Variants in WWOX observed in about 807,000 individuals in gnomAD.
The protein encoded by WWOX is WW domain-containing oxidoreductase.
Under a neutral mutation model 46.2 loss-of-function variants are expected in WWOX, and 69 were observed. The ratio of observed to expected loss-of-function variants is 1.49; its 90% CI spans 1.23 to 1.82. The LOEUF (loss-of-function observed/expected upper bound fraction) is 1.82. Among genes scored for constraint, WWOX ranks in the 40% most tolerant of loss-of-function variants. The probability of loss-of-function intolerance (pLI) is 0.00; values close to 1 mark genes in which losing one functional copy is unlikely to be tolerated. For synonymous variants in WWOX, 359 were observed against 202.6 expected (o/e 1.77, Z -6.56); for missense variants, 919 against 542.6 (o/e 1.69, Z -6.89).
chr16:78,812,752 C>A (rs906216392), intron 8 of WWOX, among the ~76,000 whole-genome samples: 2 of 151,940 alleles, frequency 1.3e-5, no homozygotes, highest in African/African-American at 4.8e-5. Context: ...AAAATCTATC[C>A]AAAGGCCTTG....
At chr16:78,477,459 C>A (rs1009054211) in intron 8 of WWOX, among the ~76,000 whole-genome samples, 3 of 151,940 alleles carry the variant, frequency 2.0e-5, no homozygotes, top group African/African-American at 7.3e-5. Context: ...GATAAAGTGC[C>A]ATTGATCCTT....
intron 8 of WWOX, among the ~76,000 whole-genome samples, chr16:78,542,772 A>C (rs932915010): frequency 6.6e-6 from 1 of 152,222 alleles, no homozygotes; most frequent in Non-Finnish European, 1.5e-5. Context: ...GTGAGAAGTG[A>C]AGGTAATAAG....
At chr16:78,300,368 G>A (rs752676966) in intron 5 of WWOX, among the ~76,000 whole-genome samples, 6 of 152,128 alleles carry the variant, frequency 3.9e-5, no homozygotes, top group African/African-American at 1.2e-4. Context: ...AGAGGATTCC[G>A]AAAGCTAGCG....
At chr16:78,531,399 G>A (rs1445590889) in intron 8 of WWOX, among the ~76,000 whole-genome samples, 26 of 152,188 alleles carry the variant, frequency 1.7e-4, no homozygotes, top group Non-Finnish European at 2.9e-5. Context: ...TGTGCACCCT[G>A]TTTGGTTGAA....
At chr16:79,012,582 A>C (rs758922331) in intron 8 of WWOX, among the ~76,000 whole-genome samples, 1 of 152,202 alleles carries the variant, frequency 6.6e-6, no homozygotes, top group Non-Finnish European at 1.5e-5. Flanking sequence ...TTGAAGATCC[A>C]CATATGGCTG....
intron 8 of WWOX, among the ~76,000 whole-genome samples, chr16:78,749,565 G>T (rs993960322): frequency 6.6e-6 from 1 of 152,140 alleles, no homozygotes; most frequent in Non-Finnish European, 1.5e-5. Context: ...GTTTAAGGAT[G>T]TATTTATTTC....
chr16:78,509,178 C>G (rs1199726688), intron 8 of WWOX, among the ~76,000 whole-genome samples: 3 of 152,198 alleles, frequency 2.0e-5, no homozygotes, highest in Non-Finnish European at 4.4e-5. Flanking sequence ...GTGGTTCACG[C>G]CTGTAATCCC....
chr16:78,744,422 C>CTTTTTTTTTTTTTT (rs976073233), intron 8 of WWOX, among the ~76,000 whole-genome samples: 2 of 82,240 alleles, frequency 2.4e-5, no homozygotes, highest in Admixed American at 1.3e-4. Context: ...GTCCACACTG[C>CTTTTTTTTTTTTTT]TTTTTTTTTT....
At chr16:79,147,465 G>T (rs527937498) in intron 8 of WWOX, among the ~76,000 whole-genome samples, 5 of 152,264 alleles carry the variant, frequency 3.3e-5, no homozygotes, top group African/African-American at 1.2e-4. Context: ...GTATTCCATG[G>T]TATTGTACAT....
chr16:78,625,360 C>G (rs978639475), intron 8 of WWOX, among the ~76,000 whole-genome samples: 1 of 152,192 alleles, frequency 6.6e-6, no homozygotes, highest in African/African-American at 2.4e-5. Flanking sequence ...TTGAGGGTAA[C>G]TGGATCCCTG....
At chr16:79,029,752 G>A (rs1157844665) in intron 8 of WWOX, among the ~76,000 whole-genome samples, 1 of 152,114 alleles carries the variant, frequency 6.6e-6, no homozygotes, top group African/African-American at 2.4e-5. Context: ...AGAGCTTCCA[G>A]GAATCTCAAT....
rs114491215 is a variant in WWOX at position 78,108,381 on chromosome 16, T to A, written c.108-42T>A. 1.6e-3 allele frequency: 2,615 copies of A among 1,593,170 alleles called. 40 individuals are homozygous for A. In the African/African-American group the frequency reaches 0.029, roughly 18 times the overall value. On this transcript the variant is annotated intron_variant, in intron 1 of 8. Coordinates refer to ENST00000566780, the MANE Select transcript of WWOX (RefSeq NM_016373.4). Reference sequence around the variant, plus strand: ...TACAATTGATTACTTTTTAGAAGAGTTAATTTTTACTTATTACTGTGGATT... The same window carrying A: ...TACAATTGATTACTTTTTAGAAGAGATAATTTTTACTTATTACTGTGGATT...
At chr16:78,957,791 C>T (rs575367179) in intron 8 of WWOX, among the ~76,000 whole-genome samples, 91 of 152,314 alleles carry the variant, frequency 6.0e-4, no homozygotes, top group African/African-American at 1.9e-3. Flanking sequence ...ACTCTCTTGT[C>T]CTGTTTTAAT....
intron 5 of WWOX, among the ~76,000 whole-genome samples, chr16:78,346,618 A>AT (rs1441055970): frequency 8.4e-6 from 1 of 119,584 alleles, no homozygotes; most frequent in African/African-American, 2.8e-5. Flanking sequence ...TTTGTTGTAT[A>AT]TTTTTTTTTA....
intron 5 of WWOX, among the ~76,000 whole-genome samples, chr16:78,187,338 C>T (rs1026312977): frequency 3.3e-5 from 5 of 152,154 alleles, no homozygotes; most frequent in South Asian, 2.1e-4. Context: ...AGGCCAAGCA[C>T]GGTGGCTCAT....
intron 8 of WWOX, among the ~76,000 whole-genome samples, chr16:78,546,376 G>C (rs1054606737): frequency 1.3e-5 from 2 of 152,220 alleles, no homozygotes; most frequent in Non-Finnish European, 1.5e-5. Flanking sequence ...GTATACAACA[G>C]GTTTCGGGAC....
chr16:78,371,379 A>C (rs554933149), intron 5 of WWOX, among the ~76,000 whole-genome samples: 2 of 152,348 alleles, frequency 1.3e-5, no homozygotes, highest in Admixed American at 6.5e-5. Context: ...AAGTATGTTG[A>C]AACTGCCTTT....
intron 6 of WWOX, among the ~76,000 whole-genome samples, chr16:78,388,291 A>C (rs536019319): frequency 3.4e-4 from 52 of 152,258 alleles, no homozygotes; most frequent in African/African-American, 1.3e-3. Context: ...TCAGCCTCTG[A>C]AAATGCTGGG....
At chr16:78,427,096 C>T (rs779353341) in intron 7 of WWOX, among the ~76,000 whole-genome samples, 5 of 152,208 alleles carry the variant, frequency 3.3e-5, no homozygotes. Context: ...TACGTGAAGA[C>T]AGTTGCTCAC....
Sources: allele counts gnomAD v4.1 joint callset (sites outside exome capture counted in the v4.1 genomes callset), GRCh38; gene constraint gnomAD v4.1.1; transcripts MANE v1.5; gene names NCBI Gene and HGNC (gene_info 2026-07-23, HGNC 2026-07-21).